Variants in PAK3 observed in about 807,000 individuals in gnomAD.
The protein encoded by PAK3 is p21 (RAC1) activated kinase 3, also known as serine/threonine-protein kinase PAK 3.
Under a neutral mutation model 41.0 loss-of-function variants are expected in PAK3, and 4 were observed. That is an observed-to-expected ratio of 0.10 (90% CI 0.05 to 0.22). The LOEUF (loss-of-function observed/expected upper bound fraction) is 0.22, where lower values mean the gene tolerates loss of function less well. Ranked by LOEUF, PAK3 falls within the 10% of genes least tolerant of loss-of-function variation. The pLI, the probability that PAK3 is intolerant of heterozygous loss-of-function variation, is 1.00. For missense variants in PAK3, 205 were observed against 409.9 expected, an observed-to-expected ratio of 0.50 and a Z score of 4.32; for synonymous variants, 146 against 139.6, an observed-to-expected ratio of 1.05 and a Z score of -0.32.
chrX:111,039,508 C>T (rs945338205), intron 1 of PAK3, among the ~76,000 whole-genome samples: 1 of 111,848 alleles, frequency 8.9e-6, no homozygotes, highest in Non-Finnish European at 1.9e-5. Flanking sequence ...CCACCCTCCA[C>T]CACCTGTCAC....
chrX:111,006,849 C>CTTTCTTTCTTTCTTTCTTTTTTTT (rs1556434441), intron 1 of PAK3, among the ~76,000 whole-genome samples: 2 of 42,726 alleles, frequency 4.7e-5, no homozygotes, highest in Admixed American at 3.8e-4. Flanking sequence ...TTCTTTCTTT[C>CTTTCTTTCTTTCTTTCTTTTTTTT]TTTTTTTTTT....
intron 1 of PAK3, among the ~76,000 whole-genome samples, chrX:110,956,538 A>G (rs2090863521): frequency 9.0e-6 from 1 of 111,709 alleles, no homozygotes; most frequent in Non-Finnish European, 1.9e-5. Flanking sequence ...GGGAGGCCCC[A>G]AGACTGAGGG....
intron 1 of PAK3, among the ~76,000 whole-genome samples, chrX:110,957,235 T>C (rs759592008): frequency 1.8e-5 from 2 of 112,575 alleles, no homozygotes; most frequent in East Asian, 5.6e-4. Flanking sequence ...GCATGTATTA[T>C]CTCATTTAAT....
chrX:111,179,011 CTA>C lies in PAK3; in HGVS notation c.830+5950_830+5951del, dbSNP rs57999727. On this transcript the variant is annotated intron_variant, in intron 11 of 17. Transcript: ENST00000372007. ...GAGAGATATCTGTATATCTATATATCTATATATATATATATATATATGGTTGA... is the reference window on the plus strand; with the variant it reads ...GAGAGATATCTGTATATCTATATATCTATATATATATATATATATGGTTGA... Among the ~76,000 whole-genome samples, 850 of 89,587 alleles carry C rather than the reference CTA, an allele frequency of 9.5e-3. 9 individuals carry two copies. The highest frequency in any genetic ancestry group is 0.024 in the African/African-American group (556 of 23,015). The allele number at this position is 89,587 out of a possible 115,157, so 77.8% of individuals were successfully genotyped here.
chrX:111,223,149 A>G lies in PAK3; in HGVS notation c.*2702A>G, dbSNP rs1272009037. On this transcript the variant is annotated 3_prime_UTR_variant, in exon 18 of 18. Transcript: ENST00000372007. ...TCTCTTTCCCTGGATTTTTAAGCTC[A>G]TCTTGACACAGGTGAGTCTATCCAA... The G allele has an allele frequency of 9.0e-6, 1 of 111,003 alleles. No individual in the cohort carries two copies. Among genetic ancestry groups the G allele is most frequent in the African/African-American group, 3.3e-5 (1 of 30,522 alleles). 9.1% of individuals were successfully genotyped at this position (111,003 alleles called of 1,213,427 possible). A position where few individuals can be genotyped will look rare whatever the true frequency, so the allele number is the denominator to read the frequency against.
At chrX:111,133,693 G>A (rs1412400227) in intron 5 of PAK3, among the ~76,000 whole-genome samples, 4 of 111,795 alleles carry the variant, frequency 3.6e-5, no homozygotes, top group Non-Finnish European at 7.5e-5. Context: ...CATAGAACTA[G>A]TCAAACTATG....
intron 7 of PAK3, among the ~76,000 whole-genome samples, chrX:111,148,419 C>T (rs1252022760): frequency 8.9e-6 from 1 of 111,801 alleles, no homozygotes; most frequent in African/African-American, 3.3e-5. Flanking sequence ...ACCTTATTTG[C>T]TAGTGTGTAG....
At chrX:111,060,378 G>T (rs1029197929) in intron 1 of PAK3, among the ~76,000 whole-genome samples, 2 of 111,130 alleles carry the variant, frequency 1.8e-5, no homozygotes, top group African/African-American at 6.5e-5. Context: ...AAGAATACTG[G>T]TCTATCATTT....
At chrX:111,001,503 T>C (rs750886538) in intron 1 of PAK3, among the ~76,000 whole-genome samples, 4 of 112,338 alleles carry the variant, frequency 3.6e-5, no homozygotes, top group African/African-American at 1.3e-4. Flanking sequence ...CTGTGTAAAA[T>C]CATGAGAAGT....
intron 4 of PAK3, among the ~76,000 whole-genome samples, chrX:111,121,980 C>T (rs943752262): frequency 1.8e-5 from 2 of 110,825 alleles, no homozygotes; most frequent in South Asian, 7.7e-4. Context: ...CTTGGCCAGG[C>T]GCAGTGGCTC....
intron 16 of PAK3, among the ~76,000 whole-genome samples, chrX:111,215,783 T>C (rs945997027): frequency 1.1e-4 from 12 of 112,271 alleles, no homozygotes; most frequent in Admixed American, 2.8e-4. Flanking sequence ...TTTCCTCTCA[T>C]TGTAGATGCA....
chrX:110,974,194 C>G (rs2091276674), intron 1 of PAK3, among the ~76,000 whole-genome samples: 1 of 111,257 alleles, frequency 9.0e-6, no homozygotes, highest in African/African-American at 3.3e-5. Context: ...GGCCTGAACT[C>G]AGCTCTGCAA....
intron 1 of PAK3, among the ~76,000 whole-genome samples, chrX:110,969,480 T>C (rs1385613844): frequency 1.0e-5 from 1 of 96,879 alleles, no homozygotes; most frequent in African/African-American, 3.8e-5. Flanking sequence ...TTTGGATTTT[T>C]AGTAGAGATA....
chrX:111,211,743 T>C (rs1018501718), intron 16 of PAK3, among the ~76,000 whole-genome samples: 3 of 110,008 alleles, frequency 2.7e-5, no homozygotes, highest in Non-Finnish European at 5.7e-5. Context: ...CTCCTCTTTC[T>C]CCCTGTTCTT....
chrX:111,099,979 A>C (rs964396033), intron 3 of PAK3, among the ~76,000 whole-genome samples: 3 of 109,295 alleles, frequency 2.7e-5, no homozygotes, highest in Non-Finnish European at 5.7e-5. Context: ...AAACAATACA[A>C]AACAACCCCA....
intron 16 of PAK3, among the ~76,000 whole-genome samples, chrX:111,209,877 AC>A (rs2094800284): frequency 8.9e-6 from 1 of 112,314 alleles, no homozygotes; most frequent in Admixed American, 9.5e-5. Flanking sequence ...AAATGTGGTA[AC>A]TTCTATGATG....
At chrX:110,955,467 G>A (rs1007560930) in intron 1 of PAK3, among the ~76,000 whole-genome samples, 5 of 111,253 alleles carry the variant, frequency 4.5e-5, no homozygotes, top group African/African-American at 1.6e-4. Context: ...GAGTCAATAG[G>A]CATCAAGAAA....
intron 1 of PAK3, among the ~76,000 whole-genome samples, chrX:110,963,061 C>T (rs192491642): frequency 8.9e-6 from 1 of 112,190 alleles, no homozygotes. Context: ...GAAGAACAAC[C>T]ATGGCCTTGA....
chrX:111,132,702 G>T (rs770057854), intron 5 of PAK3, among the ~76,000 whole-genome samples: 4 of 111,489 alleles, frequency 3.6e-5, no homozygotes, highest in Non-Finnish European at 7.5e-5. Flanking sequence ...TAATTTATTA[G>T]CTATCTCAGT....
Sources: gnomAD v4.1 joint callset for allele counts (sites outside exome capture counted in the v4.1 genomes callset) on GRCh38, gnomAD v4.1.1 for gene constraint, MANE v1.5 for transcripts, NCBI Gene and HGNC (gene_info 2026-07-23, HGNC 2026-07-21) for gene names.